Variants in C2orf76 observed in about 807,000 individuals in gnomAD.
The protein encoded by C2orf76 is chromosome 2 open reading frame 76, also known as UPF0538 protein C2orf76.
Under a neutral mutation model 16.9 loss-of-function variants are expected in C2orf76, and 23 were observed. That is an observed-to-expected ratio of 1.36 (90% CI 0.98 to 1.93). The LOEUF (loss-of-function observed/expected upper bound fraction) is 1.93, where lower values mean the gene tolerates loss of function less well. Among genes scored for constraint, C2orf76 ranks in the 30% most tolerant of loss-of-function variants. The probability of loss-of-function intolerance (pLI) is 0.00; values close to 1 mark genes in which losing one functional copy is unlikely to be tolerated. For missense variants in C2orf76, 152 were observed against 152.6 expected, an observed-to-expected ratio of 1.00 and a Z score of 0.02; for synonymous variants, 48 against 52.3, an observed-to-expected ratio of 0.92 and a Z score of 0.35.
chr2:119,321,764 T>C (rs1296795361), intron 2 of C2orf76, among the ~76,000 whole-genome samples: 1 of 152,110 alleles, frequency 6.6e-6, no homozygotes, highest in Non-Finnish European at 1.5e-5. Flanking sequence ...GAACTAAGAC[T>C]TCAGTAACAC....
chr2:119,310,698 CCT>C (rs1267243138), intron 5 of C2orf76, among the ~76,000 whole-genome samples: 4 of 152,032 alleles, frequency 2.6e-5, no homozygotes, highest in Non-Finnish European at 5.9e-5. Flanking sequence ...ATAGTGAAAC[CCT>C]GTCTCTACTA....
chr2:119,309,395 T>C (rs1573621942), intron 5 of C2orf76, among the ~76,000 whole-genome samples: 2 of 143,394 alleles, frequency 1.4e-5, no homozygotes, highest in East Asian at 3.9e-4. Flanking sequence ...TTTTTCTCTT[T>C]TTCTTTTTTT....
intron 2 of C2orf76, among the ~76,000 whole-genome samples, chr2:119,333,331 G>C (rs1236395442): frequency 6.6e-6 from 1 of 152,140 alleles, no homozygotes; most frequent in East Asian, 1.9e-4. Flanking sequence ...TTCAGATAAG[G>C]ATCATCAATA....
the C2orf76 span, among the ~76,000 whole-genome samples, chr2:119,296,010 T>G: frequency 6.6e-6 from 1 of 152,298 alleles, no homozygotes; most frequent in South Asian, 2.1e-4. Flanking sequence ...ATGCTCATAT[T>G]CTAGCCCAAA....
At chr2:119,365,146 T>C (rs1253521865) in intron 1 of C2orf76, among the ~76,000 whole-genome samples, 4 of 152,190 alleles carry the variant, frequency 2.6e-5, no homozygotes, top group African/African-American at 4.8e-5. Flanking sequence ...TGAGAAGTGA[T>C]AACTGCATTC....
rs374337202 is a variant in C2orf76 at position 119,361,069 on chromosome 2, G to A, written c.-13+5721C>T. Among the ~76,000 whole-genome samples the A allele has an allele frequency of 1.2e-3, 190 of 152,320 alleles. 4 individuals carry two copies. The South Asian group carries it at 0.039, about 31-fold the overall frequency. On this transcript the variant is annotated intron_variant, in intron 1 of 5. Coordinates refer to ENST00000334816, the MANE Select transcript of C2orf76 (RefSeq NM_001322331.2). ...CTTACTTAAATGTATCAATGTCAAT[G>A]TATTGATTGTGTTATGTATTCTATA...
upstream of C2orf76, chr2:119,366,995 G>C: frequency 1.2e-6 from 2 of 1,611,054 alleles, no homozygotes; most frequent in Non-Finnish European, 1.7e-6. Flanking sequence ...CTGGGCGATC[G>C]CTTCCTGGTC....
intron 5 of C2orf76, among the ~76,000 whole-genome samples, chr2:119,304,043 A>C (rs1573615202): frequency 6.6e-6 from 1 of 151,886 alleles, no homozygotes; most frequent in Admixed American, 6.5e-5. Flanking sequence ...AATCAGTGGG[A>C]AAAAGAAAAT....
the C2orf76 span, among the ~76,000 whole-genome samples, chr2:119,285,124 ATTC>A: frequency 6.6e-6 from 1 of 152,228 alleles, no homozygotes; most frequent in Non-Finnish European, 1.5e-5. Flanking sequence ...GTATTTACAT[ATTC>A]TTATTAAATT....
chr2:119,352,828 T>C (rs1680446623), intron 1 of C2orf76, among the ~76,000 whole-genome samples: 1 of 152,218 alleles, frequency 6.6e-6, no homozygotes, highest in South Asian at 2.1e-4. Context: ...TTAGAGTGAT[T>C]ACATATACAT....
Position 119,302,530 on chromosome 2 carries a change from G to A in C2orf76, c.323C>T (p.Ala108Val), listed in dbSNP as rs769153084. 2.7e-6 allele frequency: 4 copies of A among 1,495,698 alleles called. No homozygotes were observed. The highest frequency in any genetic ancestry group is 3.6e-6 in the Non-Finnish European group (4 of 1,106,274). The allele number at this position is 1,495,698 out of a possible 1,614,324, so 92.7% of individuals were successfully genotyped here. The change falls in exon 6 of 6, where the codon GCA becomes GTA. Residue 108 changes from alanine to valine, a missense_variant. By Grantham distance (64) the Ala-to-Val change is moderately conservative. Coordinates refer to ENST00000334816, the MANE Select transcript of C2orf76 (RefSeq NM_001322331.2). Reference sequence around the variant, plus strand: ...CTTATAATCTTCTTCACAGAAGAATGCAATTTCAGTTTCACTGGCTGAAAA... The same window carrying A: ...CTTATAATCTTCTTCACAGAAGAATACAATTTCAGTTTCACTGGCTGAAAA... ...AAGIASETEIAFFCEEDYKNY... is the reference protein window; with the variant it reads ...AAGIASETEIVFFCEEDYKNY...
At chr2:119,348,895 G>C (rs1223944612) in intron 1 of C2orf76, among the ~76,000 whole-genome samples, 1 of 152,174 alleles carries the variant, frequency 6.6e-6, no homozygotes, top group East Asian at 1.9e-4. Context: ...GCTGAGGTGG[G>C]AGGATCGCTT....
At chr2:119,334,506 C>A (rs1367079200) in intron 2 of C2orf76, among the ~76,000 whole-genome samples, 1 of 150,338 alleles carries the variant, frequency 6.7e-6, no homozygotes, top group East Asian at 2.0e-4. Context: ...GGGTGGGCAA[C>A]ACAGCAAAAC....
intron 1 of C2orf76, among the ~76,000 whole-genome samples, chr2:119,354,717 C>T (rs1211348243): frequency 6.6e-6 from 1 of 152,118 alleles, no homozygotes; most frequent in Non-Finnish European, 1.5e-5. Flanking sequence ...ATATTTTCAA[C>T]ATATTCATTT....
At chr2:119,297,544 T>C (rs1678559464), downstream of C2orf76, among the ~76,000 whole-genome samples, 1 of 152,244 alleles carries the variant, frequency 6.6e-6, no homozygotes, top group Non-Finnish European at 1.5e-5. Context: ...TCTGGCTCTA[T>C]AGCCCAGGCT....
At chr2:119,365,010 G>A (rs1680881229) in intron 1 of C2orf76, among the ~76,000 whole-genome samples, 1 of 152,170 alleles carries the variant, frequency 6.6e-6, no homozygotes. Context: ...CTTGAGGCCT[G>A]GAGTTCAAGG....
Position 119,323,794 on chromosome 2 carries a change from T to C in C2orf76, c.134-2590A>G, listed in dbSNP as rs534200647. On this transcript the variant is annotated intron_variant, in intron 2 of 5. Transcript: ENST00000334816. ...CAAAGGGGGCTCTGCCAGTCAGTGC[T>C]GACTGATCACAGTGCTGTAGGAACA... 4.6e-5 allele frequency among the ~76,000 whole-genome samples: 7 copies of C among 152,312 alleles called. No homozygotes were observed. In the South Asian group the frequency reaches 1.2e-3, roughly 27 times the overall value.
At chr2:119,313,395 C>T (rs6747667) in intron 4 of C2orf76, among the ~76,000 whole-genome samples, 19,151 of 151,726 alleles carry the variant, frequency 0.13, 3,985 homozygotes, top group African/African-American at 0.44. Flanking sequence ...TGAGACCAGC[C>T]TGAGCAAGAT....
chr2:119,321,268 CT>C, intron 2 of C2orf76, 64 bp from the exon 3 acceptor site: 1 of 877,966 alleles, frequency 1.1e-6, no homozygotes, highest in Non-Finnish European at 1.8e-6. Context: ...TATGCACAGT[CT>C]TTTGGTTCTA....
Sources: gnomAD v4.1 joint callset for allele counts (sites outside exome capture counted in the v4.1 genomes callset) on GRCh38, gnomAD v4.1.1 for gene constraint, MANE v1.5 for transcripts, NCBI Gene and HGNC (gene_info 2026-07-23, HGNC 2026-07-21) for gene names.